The following RGL1 variants were observed in gnomAD, a reference collection of about 807,000 sequenced individuals.
RGL1 encodes the protein ral guanine nucleotide dissociation stimulator like 1, also known as ral guanine nucleotide dissociation stimulator-like 1.
RGL1 carries 24 observed loss-of-function variants against 95.2 expected under a neutral mutation model. That is an observed-to-expected ratio of 0.25 (90% CI 0.18 to 0.35). The LOEUF is 0.35. RGL1 is among the 10% of genes least tolerant of loss of function. The pLI is 1.00. For missense variants in RGL1, 715 were observed against 936.3 expected (o/e 0.76, Z 3.08); for synonymous variants, 329 against 344.9 (o/e 0.95, Z 0.51).
At chr1:183,890,750 C>T (rs907663722) in intron 8 of RGL1, among the ~76,000 whole-genome samples, 1 of 152,100 alleles carries the variant, frequency 6.6e-6, no homozygotes, top group African/African-American at 2.4e-5. Flanking sequence ...ATGAAATGTC[C>T]AGAATCAGCA....
intron 1 of RGL1, among the ~76,000 whole-genome samples, chr1:183,645,306 AAAT>A (rs1486941174): frequency 2.0e-5 from 3 of 152,228 alleles, no homozygotes; most frequent in Non-Finnish European, 4.4e-5. Flanking sequence ...TCTGATGAGT[AAAT>A]CCATTCTCCC....
chr1:183,880,864 A>G (rs1666788010), intron 5 of RGL1, 64 bp downstream of exon 5: 4 of 1,499,930 alleles, frequency 2.7e-6, no homozygotes, highest in African/African-American at 1.4e-5. Context: ...CACGCTGGAG[A>G]AAGGTTCTCC....
At chr1:183,904,800 C>A (rs1668219281) in intron 12 of RGL1, 50 bp from the exon 13 acceptor site, 11 of 1,549,196 alleles carry the variant, frequency 7.1e-6, no homozygotes, top group East Asian at 2.3e-5. Flanking sequence ...TTTGGTTGGC[C>A]TTATTATTCA....
intron 2 of RGL1, among the ~76,000 whole-genome samples, chr1:183,816,947 G>GA (rs140069137): frequency 0.051 from 7,717 of 151,044 alleles, 299 homozygotes; most frequent in Non-Finnish European, 0.077. Context: ...TTGGTTGTGG[G>GA]AAAAAAAAAC....
At chr1:183,912,951 A>C (rs1229882402) in intron 15 of RGL1, among the ~76,000 whole-genome samples, 1 of 152,180 alleles carries the variant, frequency 6.6e-6, no homozygotes, top group African/African-American at 2.4e-5. Flanking sequence ...GAAGCAGAGA[A>C]ATAGGCTCCA....
At chr1:183,827,429 A>T (rs1318786890) in intron 2 of RGL1, among the ~76,000 whole-genome samples, 1 of 152,204 alleles carries the variant, frequency 6.6e-6, no homozygotes, top group East Asian at 1.9e-4. Flanking sequence ...GTTAAACTGG[A>T]ATCTCTCCCA....
intron 2 of RGL1, among the ~76,000 whole-genome samples, chr1:183,826,520 G>A (rs532904715): frequency 7.7e-4 from 118 of 152,262 alleles, no homozygotes; most frequent in Middle Eastern, 3.4e-3. Context: ...GCACCTAGCC[G>A]ATGGAAGACA....
At chr1:183,685,539 T>C (rs944512427) in intron 1 of RGL1, among the ~76,000 whole-genome samples, 3 of 152,238 alleles carry the variant, frequency 2.0e-5, no homozygotes, top group African/African-American at 7.2e-5. Flanking sequence ...ACATTAAATG[T>C]TACTGTATGT....
intron 5 of RGL1, 63 bp from the exon 6 acceptor site, chr1:183,883,723 G>T: frequency 6.3e-7 from 1 of 1,582,252 alleles, no homozygotes; most frequent in South Asian, 1.2e-5. Flanking sequence ...AAAGTCTGAT[G>T]ACTCTATAAG....
At chr1:183,660,636 T>A (rs1651546516) in intron 1 of RGL1, among the ~76,000 whole-genome samples, 1 of 151,244 alleles carries the variant, frequency 6.6e-6, no homozygotes, top group African/African-American at 2.5e-5. Flanking sequence ...ACTGTCAGCA[T>A]TAGACAGATC....
At chr1:183,925,490 C>G (rs577791197) in intron 17 of RGL1, among the ~76,000 whole-genome samples, 19 of 152,142 alleles carry the variant, frequency 1.2e-4, no homozygotes, top group Middle Eastern at 3.4e-3. Flanking sequence ...AAGTAAAATA[C>G]TATAAAATAA....
chr1:183,870,083 A>G (rs920516905), intron 4 of RGL1, among the ~76,000 whole-genome samples: 4 of 152,188 alleles, frequency 2.6e-5, no homozygotes, highest in African/African-American at 9.7e-5. Context: ...GCATGCCAAC[A>G]GACAACACAA....
intron 1 of RGL1, among the ~76,000 whole-genome samples, chr1:183,727,521 G>A (rs6424909): frequency 0.71 from 107,933 of 152,000 alleles, 38,841 homozygotes; most frequent in East Asian, 0.91. Flanking sequence ...TTTAACCTGA[G>A]TGCTTTTGCC....
intron 1 of RGL1, among the ~76,000 whole-genome samples, chr1:183,655,267 C>A (rs181054554): frequency 6.6e-6 from 1 of 152,284 alleles, no homozygotes; most frequent in African/African-American, 2.4e-5. Flanking sequence ...GGGGTATATC[C>A]AAGATGGCTT....
At chr1:183,736,129 A>G (rs767405385) in intron 1 of RGL1, among the ~76,000 whole-genome samples, 5 of 152,234 alleles carry the variant, frequency 3.3e-5, no homozygotes, top group Non-Finnish European at 7.3e-5. Context: ...TATTATATAC[A>G]TGTATGTAAA....
chr1:183,803,619 T>A (rs1424922640), upstream of RGL1, among the ~76,000 whole-genome samples: 1 of 152,208 alleles, frequency 6.6e-6, no homozygotes, highest in Non-Finnish European at 1.5e-5. Flanking sequence ...TTGAAGAAAC[T>A]GCTTAATATC....
intron 10 of RGL1, among the ~76,000 whole-genome samples, chr1:183,898,816 C>T (rs1667851186): frequency 6.6e-6 from 1 of 152,200 alleles, no homozygotes; most frequent in South Asian, 2.1e-4. Flanking sequence ...ACAAAACCCT[C>T]CTTGGTATGA....
At chr1:183,856,740 C>G (rs1665176484) in intron 3 of RGL1, among the ~76,000 whole-genome samples, 1 of 151,340 alleles carries the variant, frequency 6.6e-6, no homozygotes, top group Admixed American at 6.6e-5. Context: ...AAACATGACA[C>G]TATTGGTTGG....
intron 7 of RGL1, among the ~76,000 whole-genome samples, chr1:183,888,222 A>G (rs1667228321): frequency 6.6e-6 from 1 of 152,206 alleles, no homozygotes; most frequent in African/African-American, 2.4e-5. Flanking sequence ...GCTGGAAACT[A>G]TAAAACTGTA....
Sources: allele counts gnomAD v4.1 joint callset (sites outside exome capture counted in the v4.1 genomes callset), GRCh38; gene constraint gnomAD v4.1.1; transcripts MANE v1.5; gene names NCBI Gene and HGNC (gene_info 2026-07-23, HGNC 2026-07-21).